Variants in COL20A1 observed in about 807,000 individuals in gnomAD.
COL20A1 encodes collagen alpha-1(XX) chain.
Under a neutral mutation model 152.9 loss-of-function variants are expected in COL20A1, and 164 were observed. That is an observed-to-expected ratio of 1.07 (90% CI 0.94 to 1.22). COL20A1 has a LOEUF of 1.22. Ranked by LOEUF, COL20A1 falls within the 50% of genes most tolerant of loss-of-function variation. COL20A1 has a pLI of 0.00. For synonymous variants in COL20A1, 864 were observed against 756.0 expected, an observed-to-expected ratio of 1.14 and a Z score of -2.34; for missense variants, 1,873 against 1,744.8, an observed-to-expected ratio of 1.07 and a Z score of -1.31.
rs775340399 is a variant in COL20A1 at position 63,311,749 on chromosome 20, G to A, written c.1663+1G>A. On this transcript the variant is annotated splice_donor_variant, in intron 13 of 35. Transcript: ENST00000358894. LOFTEE classifies it high-confidence loss of function. This position sits in a 1 kb window ranked among gnomAD's most constrained non-coding sequence, Gnocchi z 4.4. Reference sequence around the variant, plus strand: ...GCCCGGGGCATCCGTGCCAGGACCCGTGAGTGCTCCAACCCCGGCTGCCTG... The same window carrying A: ...GCCCGGGGCATCCGTGCCAGGACCCATGAGTGCTCCAACCCCGGCTGCCTG... The A allele has an allele frequency of 2.6e-5, 41 of 1,589,398 alleles. No homozygotes were observed. The Admixed American group carries it at 2.8e-4, about 11-fold the overall frequency.
At position 63,313,835 on chromosome 20, in the gene COL20A1, G is replaced by A. The variant is rs765611389; in HGVS notation, c.2302G>A (p.Val768Met). Residue 768 changes from valine to methionine, a missense_variant, in exon 18 of 36, where the codon GTG becomes ATG. Physicochemically the swap from Val to Met is conservative, Grantham distance 21. Coordinates refer to ENST00000358894, the MANE Select transcript of COL20A1 (RefSeq NM_020882.4). This position sits in a 1 kb window ranked among gnomAD's most constrained non-coding sequence, Gnocchi z 5.9. ...QVSWTPPLGR[V>M]LHYWLTYAPA... Reference sequence around the variant, plus strand: ...CAGCTGGACGCCCCCGCTTGGCCGCGTGCTCCATTACTGGCTCACCTACGC... The same window carrying A: ...CAGCTGGACGCCCCCGCTTGGCCGCATGCTCCATTACTGGCTCACCTACGC... 15 of 1,611,238 alleles carry A rather than the reference G, an allele frequency of 9.3e-6. No individual in the cohort carries two copies. Among genetic ancestry groups the A allele is most frequent in the South Asian group, 5.5e-5 (5 of 90,936 alleles).
chr20:63,295,331 C>A (rs1191095175), intron 2 of COL20A1, 142 bp downstream of exon 2: 2 of 621,416 alleles, frequency 3.2e-6, no homozygotes. Flanking sequence ...GCTCCCACAA[C>A]AAAGGCAAGA....
Position 63,316,645 on chromosome 20 carries a change from C to A in COL20A1, c.2617C>A (p.Pro873Thr). Residue 873 changes from proline (P) to threonine (T), a missense_variant, in exon 21 of 36, where the codon CCG becomes ACG. Pro to Thr is a conservative substitution (Grantham distance 38, BLOSUM62 -1). Transcript: ENST00000358894. ...AMEPSAFGGT[P>T]TFTLFKDAQL... ...GGAGCCCTCTGCCTTCGGTGGGACC[C>A]CGACCTTCACGCTCTTCAAGGACGC... The A allele has an allele frequency of 6.3e-7, 1 of 1,576,910 alleles. No individual in the cohort carries two copies. Among genetic ancestry groups the A allele is most frequent in the East Asian group, 2.3e-5 (1 of 42,972 alleles).
At position 63,308,676 on chromosome 20, in the gene COL20A1, A is replaced by T. The variant is rs1568771488; in HGVS notation, c.910A>T (p.Lys304Ter). The T allele has an allele frequency of 6.2e-7, 1 of 1,606,974 alleles. No individual in the cohort carries two copies. Among genetic ancestry groups the T allele is most frequent in the Non-Finnish European group, 8.5e-7 (1 of 1,177,174 alleles). ...DDVHTAARVLKDLGVNVFAVG... is the reference protein window; with the variant it reads ...DDVHTAARVL Reference sequence around the variant, plus strand: ...TGTGCACACTGCTGCCCGTGTCCTCAAGGACCTGGGCGTGAACGTCTTCGC... The same window carrying T: ...TGTGCACACTGCTGCCCGTGTCCTCTAGGACCTGGGCGTGAACGTCTTCGC... The change falls in exon 8 of 36, where the codon AAG (lysine) becomes TAG (stop). Residue 304 changes from lysine (K) to a stop codon, truncating the protein, a stop_gained. Transcript: ENST00000358894. LOFTEE classifies it high-confidence loss of function.
chr20:63,312,870 C>A lies in COL20A1; in HGVS notation c.2012C>A (p.Ala671Asp). The A allele has an allele frequency of 1.3e-6, 2 of 1,556,808 alleles. No individual in the cohort carries two copies. Among genetic ancestry groups the A allele is most frequent in the Non-Finnish European group, 1.7e-6 (2 of 1,150,558 alleles). ...GTCCAGCTGGCGTGGGTGGCCGCAG[C>A]CCCGTCTGGCGTGCTTGTCTACCAG... is the stretch of plus-strand genomic sequence containing the variant. Reference protein sequence around the residue: ...DAVQLAWVAAAPSGVLVYQIT... With the variant: ...DAVQLAWVAADPSGVLVYQIT... Residue 671 changes from alanine to aspartate, a missense_variant, in exon 16 of 36, where the codon GCC becomes GAC. Physicochemically the swap from Ala to Asp is moderately radical, Grantham distance 126 (BLOSUM62 -2). Transcript: ENST00000358894.
In COL20A1 at chr20:63,307,977, CT is replaced by C. The variant is rs1182023411; in HGVS notation, c.663del (p.Gln222SerfsTer12). 1 of 1,612,562 alleles carries C rather than the reference CT, an allele frequency of 6.2e-7. No individual in the cohort carries two copies. Among genetic ancestry groups the C allele is most frequent in the Non-Finnish European group, 8.5e-7 (1 of 1,179,720 alleles). On this transcript the variant is annotated frameshift_variant, in exon 7 of 36. Coordinates refer to ENST00000358894, the MANE Select transcript of COL20A1 (RefSeq NM_020882.4). LOFTEE classifies it high-confidence loss of function. ...CCATGCCCCTGCTCCCCAGGCCTGACTCAGTACAGCGGGGATGCTCAGACTG... is the reference window on the plus strand; with the variant it reads ...CCATGCCCCTGCTCCCCAGGCCTGACCAGTACAGCGGGGATGCTCAGACTG... ...IGPDKVQVGL[T>X]QYSGDAQTEW...
In COL20A1 at chr20:63,328,489, G is replaced by A. The variant is rs767905113; in HGVS notation, c.3772G>A (p.Glu1258Lys). Residue 1258 changes from glutamate to lysine, a missense_variant, in exon 34 of 36, where the codon GAG becomes AAG. Transcript: ENST00000358894. The part of the protein sequence containing the change: ...GEWGRGGRHL[E>K]GRGEPGAVGQ... Reference sequence around the variant, plus strand: ...ATGGGGGCGTGGTGGCCGCCACCTTGAGGGCAGAGGTACTGGGCTCCTGGC... The same window carrying A: ...ATGGGGGCGTGGTGGCCGCCACCTTAAGGGCAGAGGTACTGGGCTCCTGGC... 3.2e-5 allele frequency: 51 copies of A among 1,610,856 alleles called. 1 individual carries two copies. Among genetic ancestry groups the A allele is most frequent in the Non-Finnish European group, 4.2e-5 (49 of 1,178,816 alleles).
chr20:63,315,252 T>C (rs754900284), intron 19 of COL20A1, 152 bp from the exon 20 acceptor site: 92 of 757,442 alleles, frequency 1.2e-4, no homozygotes, highest in Non-Finnish European at 1.8e-4. Flanking sequence ...CCACAGGCCT[T>C]GTGGGTGGCA....
In COL20A1 at chr20:63,305,511, C is replaced by T. The variant is rs371649528; in HGVS notation, c.288C>T (p.Phe96=). The T allele has an allele frequency of 6.2e-6, 10 of 1,607,878 alleles. No homozygotes were observed. The highest frequency in any genetic ancestry group is 3.3e-5 in the South Asian group (3 of 89,868). Reference sequence around the variant, plus strand: ...CCAAGGGCTACACCTTGCAGATCTTCGAGCTCACTGGCTCTGGGCGCTTCC... The same window carrying T: ...CCAAGGGCTACACCTTGCAGATCTTTGAGCTCACTGGCTCTGGGCGCTTCC... The part of the protein sequence containing the change: ...SPSKGYTLQI[F]ELTGSGRFLL... Residue 96 remains phenylalanine (F), a synonymous_variant, in exon 4 of 36, where the codon TTC becomes TTT. Coordinates refer to ENST00000358894, the MANE Select transcript of COL20A1 (RefSeq NM_020882.4). This position sits in a 1 kb window ranked among gnomAD's most constrained non-coding sequence, Gnocchi z 4.9.
intron 27 of COL20A1, among the ~76,000 whole-genome samples, chr20:63,323,187 C>T (rs1270120765): frequency 6.6e-6 from 1 of 152,260 alleles, no homozygotes; most frequent in Non-Finnish European, 1.5e-5. Flanking sequence ...TGGAGATGTC[C>T]TCTGACTTCT....
Position 63,328,045 on chromosome 20 carries a change from A to G in COL20A1, c.3565-34A>G, listed in dbSNP as rs370710352. The stretch of plus-strand genomic sequence containing the variant: ...GATCTCCTGGGAAGGCACCTGCCAC[A>G]CGGGTCCCAAAGCTGCACCACCTTC... On this transcript the variant is annotated intron_variant, in intron 32 of 35. Transcript: ENST00000358894. The G allele has an allele frequency of 1.5e-5, 24 of 1,613,204 alleles. No individual in the cohort carries two copies. In the African/African-American group the frequency reaches 2.9e-4, roughly 20 times the overall value.
chr20:63,322,093 G>C lies in COL20A1; in HGVS notation c.3276G>C (p.Gln1092His), dbSNP rs765325435. ...LPGRNGTPGE[Q>H]GFPGPRGPPG... ...GGAGGAATGGCACCCCAGGAGAGCAGGGCTTCCCAGGGCCCAGGGTAAGTT... is the reference window on the plus strand; with the variant it reads ...GGAGGAATGGCACCCCAGGAGAGCACGGCTTCCCAGGGCCCAGGGTAAGTT... Residue 1092 changes from glutamine to histidine, a missense_variant, in exon 27 of 36, where the codon CAG becomes CAC. Coordinates refer to ENST00000358894, the MANE Select transcript of COL20A1 (RefSeq NM_020882.4). 16 of 1,500,062 alleles carry C rather than the reference G, an allele frequency of 1.1e-5. No homozygotes were observed. Among genetic ancestry groups the C allele is most frequent in the African/African-American group, 2.9e-5 (2 of 68,800 alleles). 92.9% of individuals were successfully genotyped at this position (1,500,062 alleles called of 1,614,324 possible). A position where few individuals can be genotyped will look rare whatever the true frequency, so the allele number is the denominator to read the frequency against.
Position 63,316,638 on chromosome 20 carries a change from T to C in COL20A1, c.2610T>C (p.Gly870=), listed in dbSNP as rs992928827. The change falls in exon 21 of 36, where the codon GGT becomes GGC. Residue 870 remains glycine (G), a synonymous_variant. Transcript: ENST00000358894. The stretch of plus-strand genomic sequence containing the variant: ...TGGCCATGGAGCCCTCTGCCTTCGG[T>C]GGGACCCCGACCTTCACGCTCTTCA... ...RGVAMEPSAF[G]GTPTFTLFKD... 2 of 1,578,366 alleles carry C rather than the reference T, an allele frequency of 1.3e-6. No homozygotes were observed. The highest frequency in any genetic ancestry group is 1.3e-5 in the African/African-American group (1 of 74,310).
rs1271014812 is a variant in COL20A1 at position 63,311,724 on chromosome 20, G to T, written c.1639G>T (p.Ala547Ser). 29 of 1,598,170 alleles carry T rather than the reference G, an allele frequency of 1.8e-5. No homozygotes were observed. The highest frequency in any genetic ancestry group is 2.7e-5 in the African/African-American group (2 of 74,734). ...QSLRGPEGSE[A>S]RGIRARTPTL... ...CCTGCGAGGCCCTGAGGGCAGCGAG[G>T]CCCGGGGCATCCGTGCCAGGACCCG... Residue 547 changes from alanine (A) to serine (S), a missense_variant, in exon 13 of 36, where the codon GCC becomes TCC. Coordinates refer to ENST00000358894, the MANE Select transcript of COL20A1 (RefSeq NM_020882.4). The surrounding 1 kb of genome is among the most constrained non-coding windows in gnomAD (Gnocchi z 4.4).
chr20:63,306,504 G>A lies in COL20A1; in HGVS notation c.496+465G>A, dbSNP rs1469194111. Among the ~76,000 whole-genome samples, 1 of 152,252 alleles carries A rather than the reference G, an allele frequency of 6.6e-6. No individual in the cohort carries two copies. Among genetic ancestry groups the A allele is most frequent in the Non-Finnish European group, 1.5e-5 (1 of 68,048 alleles). On this transcript the variant is annotated intron_variant, in intron 5 of 35. Coordinates refer to ENST00000358894, the MANE Select transcript of COL20A1 (RefSeq NM_020882.4). This position sits in a 1 kb window ranked among gnomAD's most constrained non-coding sequence, Gnocchi z 6.9. ...GGAACCTCCAGCCTGGGTCTAGGGGGTGGTGAGAGGGGTGGGTCATGCTCC... is the reference window on the plus strand; with the variant it reads ...GGAACCTCCAGCCTGGGTCTAGGGGATGGTGAGAGGGGTGGGTCATGCTCC...
chr20:63,315,338 A>G, intron 19 of COL20A1, 66 bp from the exon 20 acceptor site: 4 of 1,469,586 alleles, frequency 2.7e-6, no homozygotes, highest in Admixed American at 2.0e-5. Flanking sequence ...GCCCCTCCCC[A>G]GCGGTCTGTC....
chr20:63,314,717 C>T (rs149413936), intron 19 of COL20A1, among the ~76,000 whole-genome samples: 248 of 152,210 alleles, frequency 1.6e-3, no homozygotes, highest in African/African-American at 5.1e-3. Flanking sequence ...TGAAGGGTTC[C>T]GAGCACCTGC....
intron 15 of COL20A1, 52 bp from the exon 16 acceptor site, chr20:63,312,740 G>T: frequency 1.2e-5 from 18 of 1,496,716 alleles, no homozygotes; most frequent in Non-Finnish European, 1.6e-5. Context: ...CCTCCTCTGA[G>T]GTGCCCAGGC....
At position 63,311,322 on chromosome 20, in the gene COL20A1, T is replaced by G; in HGVS notation, c.1394-72T>G. The G allele has an allele frequency of 1.4e-6, 2 of 1,431,206 alleles. No individual in the cohort carries two copies. The highest frequency in any genetic ancestry group is 1.9e-6 in the Non-Finnish European group (2 of 1,073,188). 88.7% of individuals were successfully genotyped at this position (1,431,206 alleles called of 1,614,324 possible). ...GTGGCCGTGCCCACCCACTCTGGTG[T>G]GAGGGTGCCCCGTGCGTGGGTGTGA... On this transcript the variant is annotated intron_variant, in intron 11 of 35. Transcript: ENST00000358894. The surrounding 1 kb of genome is among the most constrained non-coding windows in gnomAD (Gnocchi z 4.4).
Sources: gnomAD v4.1 joint callset for allele counts (sites outside exome capture counted in the v4.1 genomes callset) on GRCh38, gnomAD v4.1.1 for gene constraint, Gnocchi (gnomAD v3.1) non-coding constraint, MANE v1.5 for transcripts, NCBI Gene and HGNC (gene_info 2026-07-23, HGNC 2026-07-21) for gene names.